SDK1: variants seen among roughly 807,000 people sequenced by gnomAD.
SDK1 encodes protein sidekick-1.
SDK1 carries 157 observed loss-of-function variants against 245.5 expected under a neutral mutation model. The ratio of observed to expected loss-of-function variants is 0.64; its 90% CI spans 0.56 to 0.73. SDK1 has a LOEUF of 0.73. Ranked by LOEUF, SDK1 falls within the 30% of genes least tolerant of loss-of-function variation. The probability of loss-of-function intolerance (pLI) is 0.00; values close to 1 mark genes in which losing one functional copy is unlikely to be tolerated. For synonymous variants in SDK1, 1,647 were observed against 1,278.5 expected, an observed-to-expected ratio of 1.29 and a Z score of -6.15; for missense variants, 3,583 against 3,002.3, an observed-to-expected ratio of 1.19 and a Z score of -4.52.
At chr7:4,018,325 A>T (rs1786587053) in intron 17 of SDK1, among the ~76,000 whole-genome samples, 1 of 152,172 alleles carries the variant, frequency 6.6e-6, no homozygotes, top group South Asian at 2.1e-4. Context: ...ATGTTCCTTG[A>T]TATTACATGC....
At chr7:3,693,169 T>C (rs904209421) in intron 4 of SDK1, among the ~76,000 whole-genome samples, 1 of 152,144 alleles carries the variant, frequency 6.6e-6, no homozygotes, top group Non-Finnish European at 1.5e-5. Context: ...AAATGTTGTA[T>C]ACTCATTTAT....
At chr7:3,392,409 C>T (rs1250552143) in intron 1 of SDK1, among the ~76,000 whole-genome samples, 1 of 151,962 alleles carries the variant, frequency 6.6e-6, no homozygotes, top group East Asian at 1.9e-4. Flanking sequence ...GACATGACTC[C>T]ATTAGTTTTC....
chr7:3,495,800 C>G (rs1782008538), intron 1 of SDK1, among the ~76,000 whole-genome samples: 1 of 152,246 alleles, frequency 6.6e-6, no homozygotes, highest in Non-Finnish European at 1.5e-5. Flanking sequence ...AGCTCTCTGC[C>G]TTTGCACGAG....
At chr7:3,837,030 C>A (rs1177672510) in intron 5 of SDK1, among the ~76,000 whole-genome samples, 1 of 152,074 alleles carries the variant, frequency 6.6e-6, no homozygotes, top group Non-Finnish European at 1.5e-5. Flanking sequence ...TTATAAGGAC[C>A]CCTGTCCTCT....
chr7:4,144,372 G>C (rs1022928426), intron 28 of SDK1, among the ~76,000 whole-genome samples: 4 of 151,480 alleles, frequency 2.6e-5, no homozygotes, highest in Admixed American at 1.3e-4. Context: ...CCTAAGTTCA[G>C]GGTCCTGCAG....
chr7:4,219,644 G>A (rs1435565342), intron 38 of SDK1, among the ~76,000 whole-genome samples: 1 of 152,100 alleles, frequency 6.6e-6, no homozygotes, highest in Admixed American at 6.5e-5. Flanking sequence ...TTTGGGTGGG[G>A]CACAGCCAAA....
intron 4 of SDK1, among the ~76,000 whole-genome samples, chr7:3,741,356 G>C (rs903396784): frequency 6.6e-6 from 1 of 152,190 alleles, no homozygotes; most frequent in Admixed American, 6.5e-5. Context: ...GCTCCCAGGG[G>C]ATGCTCTTCA....
rs556500342 is a variant in SDK1 at position 3,958,418 on chromosome 7, C to A, written c.1151-513C>A. On this transcript the variant is annotated intron_variant, in intron 7 of 44. Transcript: ENST00000404826. The stretch of plus-strand genomic sequence containing the variant: ...GCTACTAAAGATAGATGAGTGCTCC[C>A]TTATATGTTTTCTCTTAGTTATTAT... The A allele has an allele frequency of 7.4e-5, 14 of 189,838 alleles. No homozygotes were observed. The South Asian group carries it at 1.3e-3, about 18-fold the overall frequency. The allele number at this position is 189,838 out of a possible 1,614,324, so 11.8% of individuals were successfully genotyped here.
At chr7:3,659,800 A>G (rs559332698) in intron 4 of SDK1, among the ~76,000 whole-genome samples, 9 of 152,362 alleles carry the variant, frequency 5.9e-5, no homozygotes, top group South Asian at 2.1e-4. Context: ...CTGGCAGCCC[A>G]GATGAAGACA....
intron 1 of SDK1, among the ~76,000 whole-genome samples, chr7:3,565,471 G>A (rs1327428181): frequency 4.6e-5 from 7 of 152,172 alleles, no homozygotes; most frequent in African/African-American, 1.7e-4. Context: ...AAAGCAAGAG[G>A]CATATGGATC....
intron 10 of SDK1, 39 bp downstream of exon 10, chr7:3,967,473 T>G: frequency 7.9e-7 from 1 of 1,267,974 alleles, no homozygotes; most frequent in Non-Finnish European, 1.2e-6. Context: ...ATGGCCCATG[T>G]AGAACATAAC....
chr7:3,341,176 A>G (rs1419543806), intron 1 of SDK1, among the ~76,000 whole-genome samples: 1 of 152,198 alleles, frequency 6.6e-6, no homozygotes, highest in African/African-American at 2.4e-5. Flanking sequence ...AACATGACCA[A>G]ATGAGATTTA....
rs116402308 is a variant in SDK1 at position 3,521,255 on chromosome 7, C to T, written c.299-97825C>T. 2.5e-3 allele frequency among the ~76,000 whole-genome samples: 379 copies of T among 152,298 alleles called. 4 individuals carry two copies. The highest frequency in any genetic ancestry group is 8.9e-3 in the African/African-American group (370 of 41,558). On this transcript the variant is annotated intron_variant, in intron 1 of 44. Transcript: ENST00000404826. ...ACTTCCCTTCTGCTACATCTTTCTG[C>T]TTTAAGAGATCATGTGATTAGATTG...
intron 20 of SDK1, among the ~76,000 whole-genome samples, chr7:4,068,802 A>G (rs888265063): frequency 2.7e-5 from 4 of 150,764 alleles, no homozygotes; most frequent in Non-Finnish European, 5.9e-5. Flanking sequence ...GCTCACTGCA[A>G]CCTCCACCTC....
intron 4 of SDK1, among the ~76,000 whole-genome samples, chr7:3,776,536 C>T (rs933104249): frequency 1.3e-5 from 2 of 152,184 alleles, no homozygotes; most frequent in Non-Finnish European, 2.9e-5. Flanking sequence ...CGTCACCTAT[C>T]TCACAGGTTT....
intron 1 of SDK1, among the ~76,000 whole-genome samples, chr7:3,432,632 G>A (rs1779889791): frequency 6.6e-6 from 1 of 152,116 alleles, no homozygotes; most frequent in Admixed American, 6.6e-5. Flanking sequence ...CTGGCTCAAG[G>A]TAATACTTGA....
At chr7:3,897,751 G>T (rs1781651069) in intron 5 of SDK1, among the ~76,000 whole-genome samples, 1 of 104,010 alleles carries the variant, frequency 9.6e-6, no homozygotes, top group Non-Finnish European at 2.1e-5. Context: ...ACAGCTGTGT[G>T]TGTGTGTGTG....
chr7:3,610,441 A>G (rs910950916), intron 1 of SDK1, among the ~76,000 whole-genome samples: 33 of 152,216 alleles, frequency 2.2e-4, no homozygotes, highest in African/African-American at 7.7e-4. Context: ...CTTTTTCACT[A>G]CAAACCATAG....
chr7:4,213,998 C>G (rs574391334), intron 38 of SDK1, among the ~76,000 whole-genome samples: 50 of 152,330 alleles, frequency 3.3e-4, no homozygotes, highest in Non-Finnish European at 5.7e-4. Context: ...GTGCTCAGCA[C>G]TTAACATCCG....
Sources: allele counts gnomAD v4.1 joint callset (sites outside exome capture counted in the v4.1 genomes callset), GRCh38; gene constraint gnomAD v4.1.1; transcripts MANE v1.5; gene names NCBI Gene and HGNC (gene_info 2026-07-23, HGNC 2026-07-21).